APBB2: variants seen among roughly 807,000 people sequenced by gnomAD.
The protein encoded by APBB2 is amyloid beta precursor protein binding family B member 2.
APBB2 carries 38 observed loss-of-function variants against 82.5 expected under a neutral mutation model. The observed-to-expected ratio is 0.46, with a 90% CI of 0.36 to 0.60. The LOEUF is 0.60. Among genes scored for constraint, APBB2 ranks in the 20% least tolerant of loss-of-function variants. The pLI, the probability that APBB2 is intolerant of heterozygous loss-of-function variation, is 0.00. For missense variants in APBB2, 772 were observed against 972.3 expected (o/e 0.79, Z 2.74); for synonymous variants, 341 against 368.2 (o/e 0.93, Z 0.85).
At chr4:40,964,879 G>T (rs1474546106) in intron 6 of APBB2, among the ~76,000 whole-genome samples, 1 of 151,786 alleles carries the variant, frequency 6.6e-6, no homozygotes, top group East Asian at 1.9e-4. Context: ...TTAGCACTTT[G>T]GGAGGCCAAG....
intron 6 of APBB2, among the ~76,000 whole-genome samples, chr4:40,974,199 C>G (rs1279376744): frequency 6.6e-6 from 1 of 151,628 alleles, no homozygotes; most frequent in East Asian, 1.9e-4. Context: ...TAGGACCACT[C>G]TAATGACCTT....
At chr4:40,854,216 C>T (rs1374336387) in intron 12 of APBB2, among the ~76,000 whole-genome samples, 1 of 152,106 alleles carries the variant, frequency 6.6e-6, no homozygotes, top group East Asian at 1.9e-4. Context: ...TATGTTAGGG[C>T]CCGAGGAATC....
intron 6 of APBB2, among the ~76,000 whole-genome samples, chr4:40,962,751 G>C (rs984455798): frequency 6.6e-6 from 1 of 151,980 alleles, no homozygotes; most frequent in Non-Finnish European, 1.5e-5. Flanking sequence ...AGGAAGGGAG[G>C]GATTCAGGTG....
At chr4:41,144,985 T>C (rs1265854742) in intron 1 of APBB2, among the ~76,000 whole-genome samples, 1 of 152,200 alleles carries the variant, frequency 6.6e-6, no homozygotes, top group Non-Finnish European at 1.5e-5. Flanking sequence ...CCGGGCATGT[T>C]GGGACATGCC....
chr4:40,890,365 G>A lies in APBB2; in HGVS notation c.1528C>T (p.Arg510Trp). 1.2e-6 allele frequency: 2 copies of A among 1,611,970 alleles called. No individual in the cohort carries two copies. The highest frequency in any genetic ancestry group is 1.7e-6 in the Non-Finnish European group (2 of 1,179,534). Residue 510 changes from arginine to tryptophan, a missense_variant and splice_region_variant, in exon 12 of 18, where the codon CGG becomes TGG. Coordinates refer to ENST00000508593, the MANE Select transcript of APBB2 (RefSeq NM_004307.2). ...RVWGVGRDNG[R>W]DFAYVARDKD... ...AGACTGCCCCACCCAGGGACTCACCGGCCATTGTCGCGGCCCACGCCCCAC... is the reference window on the plus strand; with the variant it reads ...AGACTGCCCCACCCAGGGACTCACCAGCCATTGTCGCGGCCCACGCCCCAC...
intron 4 of APBB2, among the ~76,000 whole-genome samples, chr4:41,036,772 T>G (rs1490780837): frequency 6.6e-6 from 1 of 152,192 alleles, no homozygotes; most frequent in African/African-American, 2.4e-5. Context: ...TGCAAGGCAT[T>G]TCCTGGCCCT....
At chr4:41,182,300 A>G (rs1218805597) in intron 1 of APBB2, among the ~76,000 whole-genome samples, 3 of 152,210 alleles carry the variant, frequency 2.0e-5, no homozygotes, top group Non-Finnish European at 4.4e-5. Flanking sequence ...GCCAAAGCCA[A>G]TGGTCAATTT....
chr4:41,135,302 AG>A (rs1278170633), intron 2 of APBB2, among the ~76,000 whole-genome samples: 1 of 152,196 alleles, frequency 6.6e-6, no homozygotes, highest in East Asian at 1.9e-4. Context: ...TCATCCTTAA[AG>A]ACAGTACACT....
intron 6 of APBB2, among the ~76,000 whole-genome samples, chr4:40,972,300 C>T (rs905623145): frequency 9.9e-5 from 15 of 151,758 alleles, no homozygotes; most frequent in South Asian, 2.1e-4. Flanking sequence ...TGGTGGCGGG[C>T]GCCTGTAATC....
At position 40,825,940 on chromosome 4, in the gene APBB2, A is replaced by G; in HGVS notation, c.1763T>C (p.Val588Ala). 1 of 1,614,190 alleles carries G rather than the reference A, an allele frequency of 6.2e-7. No individual in the cohort carries two copies. Among genetic ancestry groups the G allele is most frequent in the Middle Eastern group, 1.6e-4 (1 of 6,062 alleles). The stretch of plus-strand genomic sequence containing the variant: ...CAAGTACTGCACGTGGAACTTCTGG[A>G]CCAGCTCAGTCTTTGGTGTTGGAAA... ...VDFPTPKTEL[V>A]QKFHVQYLGM... Residue 588 changes from valine to alanine, a missense_variant, in exon 15 of 18, where the codon GTC becomes GCC. Physicochemically the swap from Val to Ala is moderately conservative, Grantham distance 64. Coordinates refer to ENST00000508593, the MANE Select transcript of APBB2 (RefSeq NM_004307.2).
intron 1 of APBB2, among the ~76,000 whole-genome samples, chr4:41,168,502 C>T (rs982027893): frequency 1.8e-4 from 27 of 151,898 alleles, no homozygotes; most frequent in Admixed American, 1.3e-4. Context: ...CCATGCCCAG[C>T]GAAGTCAACA....
At chr4:40,982,368 AAGG>A (rs1292316181) in intron 6 of APBB2, among the ~76,000 whole-genome samples, 10 of 16,108 alleles carry the variant, frequency 6.2e-4, no homozygotes, top group East Asian at 3.3e-3. Flanking sequence ...GGAAGGAAGG[AAGG>A]AAGGAAGGAA....
At chr4:40,966,821 G>A (rs955046895) in intron 6 of APBB2, among the ~76,000 whole-genome samples, 4 of 152,192 alleles carry the variant, frequency 2.6e-5, no homozygotes, top group Non-Finnish European at 5.9e-5. Context: ...GGGCACCATG[G>A]GCACTGTGAA....
intron 3 of APBB2, among the ~76,000 whole-genome samples, chr4:41,067,179 G>A (rs1487947960): frequency 6.6e-6 from 1 of 152,194 alleles, no homozygotes; most frequent in African/African-American, 2.4e-5. Flanking sequence ...GGAGGCCAAG[G>A]CAGGCGGATC....
At chr4:41,107,435 T>C (rs1030082654) in intron 2 of APBB2, among the ~76,000 whole-genome samples, 4 of 152,156 alleles carry the variant, frequency 2.6e-5, no homozygotes, top group African/African-American at 7.2e-5. Flanking sequence ...AGCTAATAAA[T>C]ATCAAAGGGA....
intron 2 of APBB2, among the ~76,000 whole-genome samples, chr4:41,105,679 T>C (rs1270673035): frequency 6.6e-6 from 1 of 151,932 alleles, no homozygotes; most frequent in Admixed American, 6.6e-5. Context: ...GGTCAGGAGA[T>C]TGAGACCATC....
At chr4:40,847,948 A>G (rs556519780) in intron 12 of APBB2, among the ~76,000 whole-genome samples, 1 of 152,118 alleles carries the variant, frequency 6.6e-6, no homozygotes, top group East Asian at 1.9e-4. Flanking sequence ...CGGGGGCTAT[A>G]GGTGTTTGCC....
intron 2 of APBB2, among the ~76,000 whole-genome samples, chr4:41,134,375 G>C (rs1008965070): frequency 3.9e-5 from 6 of 152,012 alleles, no homozygotes; most frequent in East Asian, 3.9e-4. Context: ...GTCAGGAGAT[G>C]GAGACCATCC....
At chr4:41,045,860 A>C (rs1248272138) in intron 4 of APBB2, among the ~76,000 whole-genome samples, 2 of 152,394 alleles carry the variant, frequency 1.3e-5, no homozygotes, top group Admixed American at 1.3e-4. Flanking sequence ...TCACTGCTAA[A>C]GGAATGAATA....
Sources: gnomAD v4.1 joint callset for allele counts (sites outside exome capture counted in the v4.1 genomes callset) on GRCh38, gnomAD v4.1.1 for gene constraint, MANE v1.5 for transcripts, NCBI Gene and HGNC (gene_info 2026-07-23, HGNC 2026-07-21) for gene names.